The following NTNG1 variants were observed in gnomAD, a reference collection of about 807,000 sequenced individuals.
The protein encoded by NTNG1 is netrin G1, also known as netrin-G1.
In NTNG1, 16 loss-of-function variants were observed where a neutral mutation model predicts 54.0. The ratio of observed to expected loss-of-function variants is 0.30; its 90% CI spans 0.20 to 0.45. NTNG1 has a LOEUF of 0.45. NTNG1 is among the 20% of genes least tolerant of loss of function. The probability of loss-of-function intolerance (pLI) is 1.00; values close to 1 mark genes in which losing one functional copy is unlikely to be tolerated. For missense variants in NTNG1, 530 were observed against 678.7 expected (o/e 0.78, Z 2.43); for synonymous variants, 255 against 263.1 (o/e 0.97, Z 0.30).
At chr1:107,407,803 T>C (rs1270236964) in intron 5 of NTNG1, 95 bp downstream of exon 5, 6 of 1,066,564 alleles carry the variant, frequency 5.6e-6, no homozygotes, top group African/African-American at 1.6e-5. Context: ...CCAGTGTCCA[T>C]TTCTGATGTA....
chr1:107,220,807 G>T (rs1660289482), intron 2 of NTNG1, among the ~76,000 whole-genome samples: 1 of 152,086 alleles, frequency 6.6e-6, no homozygotes, highest in South Asian at 2.1e-4. Flanking sequence ...TCACAATCAG[G>T]CACTATACCC....
At chr1:107,447,546 C>T (rs1387187736) in intron 7 of NTNG1, among the ~76,000 whole-genome samples, 1 of 152,074 alleles carries the variant, frequency 6.6e-6, no homozygotes, top group Non-Finnish European at 1.5e-5. Flanking sequence ...TACATACAGA[C>T]ATGATGTATG....
rs896652079 is a variant in NTNG1, at chr1:107,469,561, C to T, written c.1391-11050C>T. Among the ~76,000 whole-genome samples, 8 of 152,174 alleles carry T rather than the reference C, an allele frequency of 5.3e-5. No individual in the cohort carries two copies. In the South Asian group the frequency reaches 6.2e-4, roughly 12 times the overall value. ...GCAGTGGCACAATGTCAACTCAATG[C>T]AACCTCCGTCTCCCAGGTTCAAGCA... On this transcript the variant is annotated intron_variant, in intron 7 of 7. Coordinates refer to ENST00000370068, the MANE Select transcript of NTNG1 (RefSeq NM_001113226.3).
intron 2 of NTNG1, among the ~76,000 whole-genome samples, chr1:107,248,236 C>A (rs891354397): frequency 2.1e-4 from 32 of 152,142 alleles, no homozygotes; most frequent in African/African-American, 6.0e-4. Context: ...CCTTTGTTAA[C>A]CAGATCATTC....
intron 2 of NTNG1, among the ~76,000 whole-genome samples, chr1:107,304,818 G>A (rs938567955): frequency 6.6e-6 from 1 of 151,734 alleles, no homozygotes; most frequent in African/African-American, 2.4e-5. Context: ...CACATGCCAT[G>A]GTCGTTTGCT....
Position 107,407,304 on chromosome 1 carries a change from C to T in NTNG1, c.1061-378C>T, listed in dbSNP as rs2587903. Among the ~76,000 whole-genome samples, 1,367 of 152,032 alleles carry T rather than the reference C, an allele frequency of 9.0e-3. 18 individuals are homozygous for T. Among genetic ancestry groups the T allele is most frequent in the African/African-American group, 0.027 (1,108 of 41,460 alleles). ...AGAGTGTATATTTGGTACTCTGTACCCATAACTTAAGCCTGGTTTAATATC... is the reference window on the plus strand; with the variant it reads ...AGAGTGTATATTTGGTACTCTGTACTCATAACTTAAGCCTGGTTTAATATC... On this transcript the variant is annotated intron_variant, in intron 4 of 7. Transcript: ENST00000370068.
chr1:107,206,574 C>A lies in NTNG1; in HGVS notation c.246+57735C>A, dbSNP rs375578789. Among the ~76,000 whole-genome samples, 5 of 152,080 alleles carry A rather than the reference C, an allele frequency of 3.3e-5. No individual in the cohort carries two copies. The East Asian group carries it at 9.6e-4, about 29-fold the overall frequency. ...CTCATGTGCCTTTCACCCAGTGTTACGGAGATGTCTGCTTAACTGAATGAA... is the reference window on the plus strand; with the variant it reads ...CTCATGTGCCTTTCACCCAGTGTTAAGGAGATGTCTGCTTAACTGAATGAA... On this transcript the variant is annotated intron_variant, in intron 2 of 7. Coordinates refer to ENST00000370068, the MANE Select transcript of NTNG1 (RefSeq NM_001113226.3).
intron 2 of NTNG1, among the ~76,000 whole-genome samples, chr1:107,225,337 C>T (rs1173811654): frequency 6.6e-6 from 1 of 151,802 alleles, no homozygotes; most frequent in Non-Finnish European, 1.5e-5. Flanking sequence ...TGAGAAGCAC[C>T]TGTTGATGGG....
chr1:107,419,750 C>G (rs944560062), intron 5 of NTNG1, among the ~76,000 whole-genome samples: 4 of 151,830 alleles, frequency 2.6e-5, no homozygotes, highest in Non-Finnish European at 1.5e-5. Context: ...GAAATAGCTG[C>G]TAAGCAAAAC....
At chr1:107,307,480 A>T (rs1355691136) in intron 2 of NTNG1, among the ~76,000 whole-genome samples, 1 of 152,226 alleles carries the variant, frequency 6.6e-6, no homozygotes, top group Admixed American at 6.5e-5. Flanking sequence ...TAGTTCATTT[A>T]GTCCTCACAA....
At chr1:107,342,143 C>A (rs1668936950) in intron 3 of NTNG1, among the ~76,000 whole-genome samples, 1 of 151,968 alleles carries the variant, frequency 6.6e-6, no homozygotes, top group Non-Finnish European at 1.5e-5. Flanking sequence ...ATTTTAAAAG[C>A]AAAGTAGACT....
intron 2 of NTNG1, among the ~76,000 whole-genome samples, chr1:107,249,294 T>C (rs1012743970): frequency 6.6e-6 from 1 of 151,666 alleles, no homozygotes; most frequent in African/African-American, 2.4e-5. Flanking sequence ...GAGACCAGCC[T>C]CAACATGGAG....
chr1:107,478,246 C>G (rs902418978), intron 7 of NTNG1, among the ~76,000 whole-genome samples: 2 of 152,012 alleles, frequency 1.3e-5, no homozygotes, highest in African/African-American at 4.8e-5. Flanking sequence ...ATCAAGAGAC[C>G]AAATGTAATA....
In NTNG1 at chr1:107,397,988, A is replaced by G. The variant is rs74846655; in HGVS notation, c.1060+2662A>G. ...TATGCATACAGGTACACACACACAC[A>G]CACTCACATGACTCTAGTGGGTACG... On this transcript the variant is annotated intron_variant, in intron 4 of 7. Coordinates refer to ENST00000370068, the MANE Select transcript of NTNG1 (RefSeq NM_001113226.3). Among the ~76,000 whole-genome samples, 1,802 of 152,100 alleles carry G rather than the reference A, an allele frequency of 0.012. 87 individuals carry two copies. The East Asian group carries it at 0.17, about 15-fold the overall frequency.
intron 2 of NTNG1, among the ~76,000 whole-genome samples, chr1:107,261,784 A>G (rs1557852019): frequency 1.3e-5 from 2 of 152,322 alleles, no homozygotes; most frequent in South Asian, 2.1e-4. Flanking sequence ...CGGAGCTTGC[A>G]GTGAGCTGAG....
intron 2 of NTNG1, among the ~76,000 whole-genome samples, chr1:107,269,808 GATTTTCTTTCTTTTC>G: frequency 6.6e-6 from 1 of 152,280 alleles, no homozygotes; most frequent in African/African-American, 2.4e-5. Flanking sequence ...TACTTTTAGA[GATTTTCTTTCTTTTC>G]ACGTTCAGAC....
At chr1:107,246,844 T>C (rs1662236516) in intron 2 of NTNG1, among the ~76,000 whole-genome samples, 1 of 152,218 alleles carries the variant, frequency 6.6e-6, no homozygotes, top group Admixed American at 6.5e-5. Context: ...AATCTAATTT[T>C]TCATGATATA....
chr1:107,174,429 G>A (rs982455250), intron 2 of NTNG1, among the ~76,000 whole-genome samples: 3 of 151,672 alleles, frequency 2.0e-5, no homozygotes, highest in African/African-American at 7.3e-5. Context: ...TTATTTTCTT[G>A]TCTCCCTCCT....
At chr1:107,362,859 T>C (rs531941143) in intron 3 of NTNG1, among the ~76,000 whole-genome samples, 2 of 152,242 alleles carry the variant, frequency 1.3e-5, no homozygotes, top group Non-Finnish European at 2.9e-5. Context: ...CCTACCCTTC[T>C]TAACAATCTG....
Sources: gnomAD v4.1 joint callset for allele counts (sites outside exome capture counted in the v4.1 genomes callset) on GRCh38, gnomAD v4.1.1 for gene constraint, MANE v1.5 for transcripts, NCBI Gene and HGNC (gene_info 2026-07-23, HGNC 2026-07-21) for gene names.